KAT6B: variants seen among roughly 807,000 people sequenced by gnomAD.
The protein encoded by KAT6B is histone acetyltransferase KAT6B.
A neutral mutation model predicts 187.5 loss-of-function variants in KAT6B; 10 were observed. The observed-to-expected ratio is 0.05, with a 90% CI of 0.03 to 0.09. The LOEUF is 0.09. KAT6B is among the 10% of genes least tolerant of loss of function. KAT6B has a pLI of 1.00. For missense variants in KAT6B, 1,952 were observed against 2,558.9 expected, an observed-to-expected ratio of 0.76 and a Z score of 5.12; for synonymous variants, 861 against 926.8, an observed-to-expected ratio of 0.93 and a Z score of 1.29.
At chr10:74,969,987 G>A in intron 5 of KAT6B, 33 bp from the exon 6 acceptor site, 1 of 1,502,468 alleles carries the variant, frequency 6.7e-7, no homozygotes, top group South Asian at 1.1e-5. Flanking sequence ...GTTGGTTTCA[G>A]TCTCAATTAG....
intron 3 of KAT6B, among the ~76,000 whole-genome samples, chr10:74,879,889 G>A (rs1296841455): frequency 6.6e-6 from 1 of 152,176 alleles, no homozygotes; most frequent in Non-Finnish European, 1.5e-5. Context: ...GAGGTCAGGA[G>A]TTTGAGACCA....
intron 3 of KAT6B, among the ~76,000 whole-genome samples, chr10:74,948,660 C>T (rs1049694756): frequency 1.4e-4 from 21 of 152,214 alleles, no homozygotes; most frequent in Non-Finnish European, 2.9e-5. Flanking sequence ...CTTGGGGCAA[C>T]TGCAGAAGCT....
At position 74,969,784 on chromosome 10, in the gene KAT6B, G is replaced by A. The variant is rs1414373036; in HGVS notation, c.846+9G>A. 1.3e-6 allele frequency: 2 copies of A among 1,580,458 alleles called. No individual in the cohort carries two copies. The highest frequency in any genetic ancestry group is 4.5e-5 in the East Asian group (2 of 44,736). The stretch of plus-strand genomic sequence containing the variant: ...TCCAAGGCAGAAATGCTGTAAGTAT[G>A]GCTCCCGTAATCCGCCTCCAGGTAA... On this transcript the variant is annotated intron_variant, in intron 5 of 17. Transcript: ENST00000287239.
At chr10:74,898,187 C>T (rs993727876) in intron 3 of KAT6B, among the ~76,000 whole-genome samples, 1 of 152,162 alleles carries the variant, frequency 6.6e-6, no homozygotes, top group Admixed American at 6.5e-5. Context: ...GGATTTGGAT[C>T]CTCAGTGGGT....
At position 74,977,296 on chromosome 10, in the gene KAT6B, C is replaced by T. The variant is rs373239366; in HGVS notation, c.1994-20C>T. On this transcript the variant is annotated intron_variant, in intron 8 of 17. Transcript: ENST00000287239. ...TGATTCAAGTCAGTGAATACACTTT[C>T]TGCTGGTTTTAAATGACAGATACTG... 1.0e-4 allele frequency: 164 copies of T among 1,611,118 alleles called. No homozygotes were observed. In the Middle Eastern group the frequency reaches 2.5e-3, roughly 24 times the overall value.
In KAT6B at chr10:75,024,988, C is replaced by T. The variant is rs541804598; in HGVS notation, c.3403C>T (p.Arg1135Cys). 6 of 1,613,948 alleles carry T rather than the reference C, an allele frequency of 3.7e-6. No individual in the cohort carries two copies. Among genetic ancestry groups the T allele is most frequent in the Non-Finnish European group, 4.2e-6 (5 of 1,180,002 alleles). Residue 1135 changes from arginine to cysteine, a missense_variant, in exon 17 of 18, where the codon CGT (arginine) becomes TGT (cysteine). Around this residue, in one of 9 missense-constraint regions of KAT6B, gnomAD observed 758 missense variants for 891.4 expected, o/e 0.85. Transcript: ENST00000287239. ...RPFVLKKKRG[R>C]KRRRINSSVT... The stretch of plus-strand genomic sequence containing the variant: ...TTTTGTACTAAAGAAGAAAAGGGGT[C>T]GTAAACGCAGGAGGATCAACAGCAG...
chr10:74,829,019 A>AAAAAG (rs1375137600), intron 1 of KAT6B, among the ~76,000 whole-genome samples: 5 of 151,876 alleles, frequency 3.3e-5, no homozygotes, highest in Non-Finnish European at 5.9e-5. Flanking sequence ...AAAAAAAAAA[A>AAAAAG]AAAAGAAAAG....
chr10:74,918,097 T>G (rs1239652618), intron 3 of KAT6B, among the ~76,000 whole-genome samples: 1 of 152,230 alleles, frequency 6.6e-6, no homozygotes, highest in Non-Finnish European at 1.5e-5. Flanking sequence ...ACATTAAGAT[T>G]GTTACTGTAC....
chr10:74,993,389 A>C (rs777917234), intron 13 of KAT6B, among the ~76,000 whole-genome samples: 4 of 152,190 alleles, frequency 2.6e-5, no homozygotes, highest in Middle Eastern at 3.4e-3. Flanking sequence ...ATTATTCTCA[A>C]TCTCTCCCTT....
chr10:74,997,357 A>G (rs1388427058), intron 13 of KAT6B, among the ~76,000 whole-genome samples: 1 of 151,998 alleles, frequency 6.6e-6, no homozygotes, highest in Non-Finnish European at 1.5e-5. Flanking sequence ...ACATTTACTG[A>G]GTGAGTAACA....
At chr10:74,912,508 A>G (rs755981926) in intron 3 of KAT6B, among the ~76,000 whole-genome samples, 2 of 152,138 alleles carry the variant, frequency 1.3e-5, no homozygotes, top group Non-Finnish European at 2.9e-5. Context: ...ATAACTTCCT[A>G]TATTGTTAGC....
intron 3 of KAT6B, among the ~76,000 whole-genome samples, chr10:74,933,929 T>C (rs1849051092): frequency 6.6e-6 from 1 of 152,132 alleles, no homozygotes; most frequent in South Asian, 2.1e-4. Flanking sequence ...CTTATGCCTG[T>C]AATCCTAGCA....
At chr10:74,895,147 T>C (rs1433842818) in intron 3 of KAT6B, among the ~76,000 whole-genome samples, 1 of 152,144 alleles carries the variant, frequency 6.6e-6, no homozygotes, top group Non-Finnish European at 1.5e-5. Flanking sequence ...TTAGTGATGT[T>C]GAACATCTTT....
intron 1 of KAT6B, among the ~76,000 whole-genome samples, chr10:74,830,769 T>TG (rs58702000): frequency 2.6e-3 from 20 of 7,738 alleles, no homozygotes; most frequent in African/African-American, 6.8e-3. Context: ...TATATATATA[T>TG]TTTTTTTTTT....
chr10:74,896,370 C>T (rs967481710), intron 3 of KAT6B, among the ~76,000 whole-genome samples: 6 of 152,176 alleles, frequency 3.9e-5, no homozygotes, highest in African/African-American at 1.4e-4. Flanking sequence ...CGGCTCACTG[C>T]AACCCCCGCC....
chr10:74,923,083 G>A (rs1848251211), intron 3 of KAT6B, among the ~76,000 whole-genome samples: 1 of 152,164 alleles, frequency 6.6e-6, no homozygotes, highest in South Asian at 2.1e-4. Context: ...AAGTAAGCTG[G>A]TTTCTTAAGT....
chr10:74,936,435 G>A (rs1301893456), intron 3 of KAT6B, among the ~76,000 whole-genome samples: 1 of 151,540 alleles, frequency 6.6e-6, no homozygotes, highest in Admixed American at 6.6e-5. Flanking sequence ...TGTAAAACAT[G>A]CTGAAGGGAA....
chr10:74,970,520 C>T lies in KAT6B; in HGVS notation c.928+419C>T, dbSNP rs141541583. Among the ~76,000 whole-genome samples the T allele has an allele frequency of 1.0e-3, 155 of 152,142 alleles. 1 individual carries two copies. The highest frequency in any genetic ancestry group is 3.5e-3 in the African/African-American group (146 of 41,524). ...AAGTCCTACAACAGGAAGCCATCAC[C>T]ATTTTCTTGGCCATTAGTTGATATT... On this transcript the variant is annotated intron_variant, in intron 6 of 17. Transcript: ENST00000287239.
At chr10:74,827,666 A>G (rs1840371014) in intron 1 of KAT6B, among the ~76,000 whole-genome samples, 1 of 151,940 alleles carries the variant, frequency 6.6e-6, no homozygotes, top group Non-Finnish European at 1.5e-5. Flanking sequence ...CCTGGGGACA[A>G]GGGATTGGTA....
Sources: gnomAD v4.1 joint callset for allele counts (sites outside exome capture counted in the v4.1 genomes callset) on GRCh38, gnomAD v4.1.1 for gene constraint, gnomAD v4.1.1 regional missense constraint, MANE v1.5 for transcripts, NCBI Gene and HGNC (gene_info 2026-07-23, HGNC 2026-07-21) for gene names.